The following DTX1 variants were observed in gnomAD, a reference collection of about 807,000 sequenced individuals.
DTX1 encodes the protein deltex E3 ubiquitin ligase 1.
In DTX1, 26 loss-of-function variants were observed where a neutral mutation model predicts 57.8. That is an observed-to-expected ratio of 0.45 (90% CI 0.33 to 0.62). The LOEUF (loss-of-function observed/expected upper bound fraction) is 0.62, where lower values mean the gene tolerates loss of function less well. DTX1 is among the 20% of genes least tolerant of loss of function. DTX1 has a pLI of 0.02. For synonymous variants in DTX1, 398 were observed against 394.1 expected (o/e 1.01, Z -0.12); for missense variants, 704 against 895.3 (o/e 0.79, Z 2.73).
In DTX1 at chr12:113,058,163, G is replaced by C; in HGVS notation, c.-30G>C. On this transcript the variant is annotated 5_prime_UTR_variant, in exon 2 of 10. Transcript: ENST00000548759. ...AGGAGGAGCTGGGCCTGCAATAGTGGGGGACCTGGCCCCTGAGGCAGTGGC... is the reference window on the plus strand; with the variant it reads ...AGGAGGAGCTGGGCCTGCAATAGTGCGGGACCTGGCCCCTGAGGCAGTGGC... The C allele has an allele frequency of 6.4e-7, 1 of 1,568,986 alleles. No homozygotes were observed. The highest frequency in any genetic ancestry group is 8.6e-7 in the Non-Finnish European group (1 of 1,156,882).
chr12:113,068,830 C>T (rs1449961733), intron 2 of DTX1, among the ~76,000 whole-genome samples: 1 of 152,222 alleles, frequency 6.6e-6, no homozygotes, highest in Admixed American at 6.5e-5. Context: ...ACAGTCCAGG[C>T]TAGCACTCTG....
intron 2 of DTX1, among the ~76,000 whole-genome samples, chr12:113,070,458 G>A (rs996414319): frequency 2.0e-5 from 3 of 152,226 alleles, no homozygotes; most frequent in African/African-American, 4.8e-5. Flanking sequence ...CCCAAAGGGA[G>A]GGGTTCCCTG....
chr12:113,095,028 C>G lies in DTX1; in HGVS notation c.1387-14C>G. The G allele has an allele frequency of 6.2e-7, 1 of 1,605,976 alleles. No individual in the cohort carries two copies. Among genetic ancestry groups the G allele is most frequent in the African/African-American group, 1.3e-5 (1 of 74,884 alleles). ...GGGGGTGCTGGGAACTCACTGCCAG[C>G]CTCCCCTGCCCAGGATGGCAGCCTG... On this transcript the variant is annotated splice_polypyrimidine_tract_variant and intron_variant, in intron 7 of 9. Coordinates refer to ENST00000548759, the MANE Select transcript of DTX1 (RefSeq NM_004416.3).
chr12:113,096,729 C>T lies in DTX1; in HGVS notation c.1653C>T (p.Leu551=). 2 of 1,612,714 alleles carry T rather than the reference C, an allele frequency of 1.2e-6. No homozygotes were observed. Among genetic ancestry groups the T allele is most frequent in the African/African-American group, 1.3e-5 (1 of 75,002 alleles). The change falls in exon 10 of 10, where the codon CTC becomes CTT. Residue 551 remains leucine, a synonymous_variant. Transcript: ENST00000548759. ...NEKGRKVLRL[L]ITAWERRLIF... ...TGTCCCCCCAGGTGCTGCGGCTGCT[C>T]ATCACGGCCTGGGAGAGAAGACTCA... is the stretch of plus-strand genomic sequence containing the variant.
chr12:113,095,244 C>G, intron 8 of DTX1, 41 bp downstream of exon 8: 3 of 1,604,836 alleles, frequency 1.9e-6, no homozygotes. Context: ...AGCCCCCACA[C>G]CCCTCCAACT....
intron 2 of DTX1, among the ~76,000 whole-genome samples, chr12:113,069,232 C>T (rs566900800): frequency 2.0e-4 from 30 of 152,014 alleles, no homozygotes; most frequent in Non-Finnish European, 4.4e-4. Flanking sequence ...GACTGTCCAG[C>T]CCTCTGTCCC....
In DTX1 at chr12:113,093,386, AG is replaced by A; in HGVS notation, c.1004-151del. Reference sequence around the variant, plus strand: ...CACAGGGCGGGCGTGGCCCGCAGAAAGGCCCTTCAGGGGCCTTCAAGGGGCT... The same window carrying A: ...CACAGGGCGGGCGTGGCCCGCAGAAAGCCCTTCAGGGGCCTTCAAGGGGCT... On this transcript the variant is annotated intron_variant, in intron 4 of 9. Transcript: ENST00000548759. The surrounding 1 kb of genome is among the most constrained non-coding windows in gnomAD (Gnocchi z 4.2). 3 of 1,333,214 alleles carry A rather than the reference AG, an allele frequency of 2.3e-6. No homozygotes were observed. The South Asian group carries it at 4.6e-5, about 20-fold the overall frequency. The allele number at this position is 1,333,214 out of a possible 1,614,324, so 82.6% of individuals were successfully genotyped here. A position where few individuals can be genotyped will look rare whatever the true frequency, so the allele number is the denominator to read the frequency against.
At chr12:113,066,836 G>A (rs976769318) in intron 2 of DTX1, among the ~76,000 whole-genome samples, 2 of 152,070 alleles carry the variant, frequency 1.3e-5, no homozygotes, top group East Asian at 1.9e-4. Context: ...GAGGCCAGGC[G>A]CCAAGGAAGT....
chr12:113,060,446 A>G (rs1348382903), intron 2 of DTX1, among the ~76,000 whole-genome samples: 1 of 152,140 alleles, frequency 6.6e-6, no homozygotes, highest in Non-Finnish European at 1.5e-5. Flanking sequence ...TAGCCTGAGA[A>G]AGTGATGTTT....
rs779293277 is a variant in DTX1 at position 113,096,773 on chromosome 12, C to T, written c.1697C>T (p.Ser566Phe). The part of the protein sequence containing the change: ...ERRLIFTIGT[S>F]NTTGESDTVV... ...AGACTCATCTTCACTATCGGCACGT[C>T]CAACACCACGGGCGAGTCGGACACC... The change falls in exon 10 of 10, where the codon TCC becomes TTC. Residue 566 changes from serine (S) to phenylalanine (F), a missense_variant. Physicochemically the swap from Ser to Phe is radical, Grantham distance 155. This residue lies in a region of DTX1 where 168 missense variants were observed against 255.6 expected (regional missense o/e 0.66). Coordinates refer to ENST00000548759, the MANE Select transcript of DTX1 (RefSeq NM_004416.3). The T allele has an allele frequency of 6.2e-7, 1 of 1,613,838 alleles. No homozygotes were observed. The highest frequency in any genetic ancestry group is 1.1e-5 in the South Asian group (1 of 91,072).
intron 3 of DTX1, among the ~76,000 whole-genome samples, chr12:113,080,974 C>CA (rs55853221): frequency 0.37 from 51,716 of 141,400 alleles, 9,073 homozygotes; most frequent in Middle Eastern, 0.42. Flanking sequence ...GACACTGTCT[C>CA]AAAAAAAAAA....
chr12:113,073,761 C>T (rs1016760740), intron 2 of DTX1, among the ~76,000 whole-genome samples: 4 of 152,160 alleles, frequency 2.6e-5, no homozygotes, highest in African/African-American at 9.7e-5. Context: ...GCCAGGCACC[C>T]GAGGAAGATG....
At chr12:113,082,769 A>T (rs996026546) in intron 3 of DTX1, among the ~76,000 whole-genome samples, 1 of 151,986 alleles carries the variant, frequency 6.6e-6, no homozygotes, top group Non-Finnish European at 1.5e-5. Flanking sequence ...CTAATTTTTT[A>T]AAATTTTTTG....
In DTX1 at chr12:113,058,315, G is replaced by A. The variant is rs370359657; in HGVS notation, c.123G>A (p.Thr41=). 7 of 1,613,502 alleles carry A rather than the reference G, an allele frequency of 4.3e-6. No individual in the cohort carries two copies. Among genetic ancestry groups the A allele is most frequent in the Admixed American group, 1.7e-5 (1 of 60,008 alleles). Residue 41 remains threonine, a synonymous_variant, in exon 2 of 10, where the codon ACG becomes ACA. Transcript: ENST00000548759. ...LNEHSRWRPY[T]ATVCHHIENV... is the part of the protein sequence containing the mutation. ...AGCACAGCCGCTGGCGGCCCTACAC[G>A]GCCACCGTGTGCCACCACATTGAGA...
chr12:113,067,931 C>T (rs1181284103), intron 2 of DTX1, among the ~76,000 whole-genome samples: 2 of 152,032 alleles, frequency 1.3e-5, no homozygotes, highest in African/African-American at 4.8e-5. Flanking sequence ...CCCAGCTACT[C>T]AGGAGGCTGA....
chr12:113,075,065 T>C (rs2136057543), intron 2 of DTX1, among the ~76,000 whole-genome samples: 1 of 152,258 alleles, frequency 6.6e-6, no homozygotes, highest in Middle Eastern at 3.4e-3. Flanking sequence ...TTTGGAATCA[T>C]CAGAGTAGAC....
intron 2 of DTX1, among the ~76,000 whole-genome samples, chr12:113,074,217 A>C (rs2044755414): frequency 1.3e-5 from 2 of 152,172 alleles, no homozygotes; most frequent in Non-Finnish European, 2.9e-5. Flanking sequence ...TGACAGAGAA[A>C]GACTCTCTCT....
chr12:113,083,623 G>A (rs1280548164), intron 3 of DTX1, among the ~76,000 whole-genome samples: 1 of 152,214 alleles, frequency 6.6e-6, no homozygotes, highest in Admixed American at 6.5e-5. Flanking sequence ...ACTGCGCCCG[G>A]CCAATTTGCC....
intron 3 of DTX1, among the ~76,000 whole-genome samples, chr12:113,087,428 C>T (rs1218321632): frequency 1.3e-5 from 2 of 152,128 alleles, no homozygotes; most frequent in East Asian, 1.9e-4. Context: ...GCAGCGATGT[C>T]CTTCAAGTCT....
Sources: gnomAD v4.1 joint callset for allele counts (sites outside exome capture counted in the v4.1 genomes callset) on GRCh38, gnomAD v4.1.1 for gene constraint, gnomAD v4.1.1 regional missense constraint, Gnocchi (gnomAD v3.1) non-coding constraint, MANE v1.5 for transcripts, NCBI Gene and HGNC (gene_info 2026-07-23, HGNC 2026-07-21) for gene names.